Variants in SPATA6 observed in about 807,000 individuals in gnomAD.
SPATA6 encodes spermatogenesis-associated protein 6.
A neutral mutation model predicts 65.3 loss-of-function variants in SPATA6; 56 were observed. The observed-to-expected ratio is 0.86, with a 90% CI of 0.69 to 1.07. SPATA6 has a LOEUF of 1.07. Among genes scored for constraint, SPATA6 ranks in the 50% least tolerant of loss-of-function variants. The probability of loss-of-function intolerance (pLI) is 0.00; values close to 1 mark genes in which losing one functional copy is unlikely to be tolerated. For synonymous variants in SPATA6, 199 were observed against 213.2 expected (o/e 0.93, Z 0.58); for missense variants, 590 against 594.8 (o/e 0.99, Z 0.08).
At chr1:48,312,890 C>G (rs923967808) in intron 11 of SPATA6, among the ~76,000 whole-genome samples, 1 of 152,110 alleles carries the variant, frequency 6.6e-6, no homozygotes, top group Non-Finnish European at 1.5e-5. Context: ...AAGAGACAAA[C>G]GTGACGAATG....
chr1:48,414,051 T>C (rs1303247471), intron 3 of SPATA6, among the ~76,000 whole-genome samples: 1 of 152,206 alleles, frequency 6.6e-6, no homozygotes, highest in African/African-American at 2.4e-5. Flanking sequence ...TTTCTTGTAA[T>C]GTCATGAGTT....
Position 48,422,103 on chromosome 1 carries a change from G to A in SPATA6, c.239-8952C>T, listed in dbSNP as rs185563525. ...AACAGGCATAATGGGGGGAAAGGAG[G>A]ATGGGAGAGTATAGAAAGGGTGAGA... On this transcript the variant is annotated intron_variant, in intron 3 of 12. Coordinates refer to ENST00000371847, the MANE Select transcript of SPATA6 (RefSeq NM_019073.4). Among the ~76,000 whole-genome samples the A allele has an allele frequency of 1.3e-3, 195 of 152,294 alleles. 2 individuals are homozygous for A. In the South Asian group the frequency reaches 0.013, roughly 10 times the overall value.
chr1:48,454,996 T>C (rs887946713), intron 1 of SPATA6, among the ~76,000 whole-genome samples: 11 of 152,212 alleles, frequency 7.2e-5, no homozygotes, highest in African/African-American at 2.4e-4. Flanking sequence ...TGCCAGCTAT[T>C]TGACTCCATC....
chr1:48,311,976 A>G (rs978718409), intron 11 of SPATA6, among the ~76,000 whole-genome samples: 5 of 152,194 alleles, frequency 3.3e-5, no homozygotes. Flanking sequence ...CATTGCTACC[A>G]CAACAGTCTG....
At position 48,359,592 on chromosome 1, in the gene SPATA6, C is replaced by G; in HGVS notation, c.1088G>C (p.Arg363Thr). 6.2e-7 allele frequency: 1 copy of G among 1,612,426 alleles called. No homozygotes were observed. Among genetic ancestry groups the G allele is most frequent in the Non-Finnish European group, 8.5e-7 (1 of 1,178,986 alleles). The change falls in exon 10 of 13, where the codon AGG becomes ACG. Residue 363 changes from arginine (R) to threonine (T), a missense_variant. Coordinates refer to ENST00000371847, the MANE Select transcript of SPATA6 (RefSeq NM_019073.4). ...GAAGACCGCACATAATTACCTTTCC[C>G]TGAGAGAAGCTCTATTTAACACAGG... The part of the protein sequence containing the change: ...PSPVLNRASL[R>T]ERFHSDWCSP...
downstream of SPATA6, among the ~76,000 whole-genome samples, chr1:48,290,797 C>G (rs1001105457): frequency 2.0e-5 from 3 of 152,202 alleles, no homozygotes. Context: ...GAAGAGCTAA[C>G]TATCCTAAAT....
the SPATA6 span, among the ~76,000 whole-genome samples, chr1:48,265,313 T>G: frequency 6.6e-6 from 1 of 151,544 alleles, no homozygotes; most frequent in Non-Finnish European, 1.5e-5. Context: ...ATCTGTATTA[T>G]CAGCTTCATT....
At chr1:48,373,448 C>A (rs1316987303) in intron 9 of SPATA6, among the ~76,000 whole-genome samples, 6 of 152,214 alleles carry the variant, frequency 3.9e-5, no homozygotes, top group Admixed American at 6.5e-5. Context: ...AGCCATTCAA[C>A]AAGTCACTAG....
At chr1:48,276,683 T>C in the SPATA6 span, among the ~76,000 whole-genome samples, 1 of 152,246 alleles carries the variant, frequency 6.6e-6, no homozygotes, top group Non-Finnish European at 1.5e-5. Flanking sequence ...TTGATTGCAC[T>C]GTGGTCTGAG....
At chr1:48,301,673 C>A (rs977585255) in intron 12 of SPATA6, among the ~76,000 whole-genome samples, 2 of 151,816 alleles carry the variant, frequency 1.3e-5, no homozygotes, top group Non-Finnish European at 2.9e-5. Flanking sequence ...ACTGGAATAA[C>A]AACAGACGAA....
At chr1:48,382,650 TC>T (rs1648849201) in intron 9 of SPATA6, among the ~76,000 whole-genome samples, 1 of 6,686 alleles carries the variant, frequency 1.5e-4, no homozygotes, top group African/African-American at 5.1e-4. Flanking sequence ...CCCGCCTCCC[TC>T]CCGGACGGGG....
intron 5 of SPATA6, among the ~76,000 whole-genome samples, chr1:48,407,493 C>A (rs1328840623): frequency 6.6e-6 from 1 of 152,156 alleles, no homozygotes; most frequent in East Asian, 1.9e-4. Flanking sequence ...GCTATTTGTG[C>A]CACTGCCCAA....
chr1:48,282,724 C>G, the SPATA6 span, among the ~76,000 whole-genome samples: 1 of 152,166 alleles, frequency 6.6e-6, no homozygotes, highest in Admixed American at 6.5e-5. Flanking sequence ...AACACTTTTA[C>G]ACTGTTGGTG....
At chr1:48,457,785 T>C (rs867099616) in intron 1 of SPATA6, among the ~76,000 whole-genome samples, 1 of 152,200 alleles carries the variant, frequency 6.6e-6, no homozygotes, top group South Asian at 2.1e-4. Flanking sequence ...ATACTAGACA[T>C]AGGCTCATAT....
chr1:48,408,104 A>G (rs1244943768), intron 5 of SPATA6, among the ~76,000 whole-genome samples: 1 of 152,244 alleles, frequency 6.6e-6, no homozygotes, highest in Non-Finnish European at 1.5e-5. Context: ...GTCAACTTTT[A>G]TACTTTCATA....
chr1:48,431,909 G>A (rs184316200), intron 3 of SPATA6, among the ~76,000 whole-genome samples: 17 of 152,184 alleles, frequency 1.1e-4, no homozygotes, highest in African/African-American at 3.1e-4. Context: ...TCACGAGCTC[G>A]AGACAGCCTG....
At chr1:48,364,255 T>C (rs1379516929) in intron 9 of SPATA6, among the ~76,000 whole-genome samples, 3 of 152,234 alleles carry the variant, frequency 2.0e-5, no homozygotes, top group Non-Finnish European at 4.4e-5. Flanking sequence ...AGTGCCACAA[T>C]AAACATACAT....
At chr1:48,402,438 A>G (rs1288515734) in intron 6 of SPATA6, among the ~76,000 whole-genome samples, 1 of 152,194 alleles carries the variant, frequency 6.6e-6, no homozygotes, top group Non-Finnish European at 1.5e-5. Flanking sequence ...AACCATTTAC[A>G]ATGTGCACAG....
At chr1:48,337,435 A>G (rs1456492529) in intron 11 of SPATA6, among the ~76,000 whole-genome samples, 1 of 151,882 alleles carries the variant, frequency 6.6e-6, no homozygotes, top group East Asian at 1.9e-4. Context: ...TCAAATTATA[A>G]AAACCTTTCA....
Sources: gnomAD v4.1 joint callset for allele counts (sites outside exome capture counted in the v4.1 genomes callset) on GRCh38, gnomAD v4.1.1 for gene constraint, MANE v1.5 for transcripts, NCBI Gene and HGNC (gene_info 2026-07-23, HGNC 2026-07-21) for gene names.